The following TECPR2 variants were observed in gnomAD, a reference collection of about 807,000 sequenced individuals.
TECPR2 encodes tectonin beta-propeller repeat-containing protein 2.
Under a neutral mutation model 138.1 loss-of-function variants are expected in TECPR2, and 65 were observed. The observed-to-expected ratio is 0.47, with a 90% CI of 0.39 to 0.58. The LOEUF is 0.58. TECPR2 is among the 20% of genes least tolerant of loss of function. TECPR2 has a pLI of 0.00. For synonymous variants in TECPR2, 746 were observed against 749.8 expected (o/e 0.99, Z 0.08); for missense variants, 1,553 against 1,824.5 (o/e 0.85, Z 2.71).
At chr14:102,384,797 G>A (rs1392533657) in intron 2 of TECPR2, among the ~76,000 whole-genome samples, 2 of 148,718 alleles carry the variant, frequency 1.3e-5, no homozygotes, top group Non-Finnish European at 3.0e-5. Flanking sequence ...TGGCAAGAGA[G>A]GAAGCAAGAC....
intron 16 of TECPR2, among the ~76,000 whole-genome samples, chr14:102,454,737 G>T (rs958016682): frequency 1.3e-5 from 2 of 152,222 alleles, no homozygotes; most frequent in African/African-American, 4.8e-5. Context: ...TCCAGGGCTT[G>T]GTGTGTATTC....
intron 13 of TECPR2, among the ~76,000 whole-genome samples, chr14:102,449,187 G>C (rs1890071793): frequency 6.6e-6 from 1 of 152,194 alleles, no homozygotes; most frequent in Non-Finnish European, 1.5e-5. Flanking sequence ...GGAAGTCAAG[G>C]CTGAGTATGA....
chr14:102,464,397 T>C (rs1249089736), intron 16 of TECPR2, among the ~76,000 whole-genome samples: 1 of 152,144 alleles, frequency 6.6e-6, no homozygotes, highest in Non-Finnish European at 1.5e-5. Flanking sequence ...AGTTTTGTTT[T>C]TTTTTGTTTT....
chr14:102,435,668 AC>A (rs1889650925), intron 9 of TECPR2, among the ~76,000 whole-genome samples: 1 of 152,186 alleles, frequency 6.6e-6, no homozygotes, highest in Admixed American at 6.5e-5. Flanking sequence ...CTGCAAGAGC[AC>A]GAGGCCATTT....
intron 12 of TECPR2, among the ~76,000 whole-genome samples, chr14:102,444,379 G>A (rs138191663): frequency 6.6e-6 from 1 of 152,018 alleles, no homozygotes; most frequent in Non-Finnish European, 1.5e-5. Context: ...TTTTTGTAGA[G>A]ATGAGTTTTG....
chr14:102,485,684 C>T (rs1205754839), intron 17 of TECPR2, among the ~76,000 whole-genome samples: 2 of 152,112 alleles, frequency 1.3e-5, no homozygotes, highest in African/African-American at 2.4e-5. Flanking sequence ...AAACCATGAG[C>T]GGCAGGAAGG....
intron 13 of TECPR2, among the ~76,000 whole-genome samples, chr14:102,448,997 C>A (rs1286476831): frequency 6.6e-6 from 1 of 152,228 alleles, no homozygotes; most frequent in Non-Finnish European, 1.5e-5. Flanking sequence ...CATAGTGGTT[C>A]ATGCCAGTAA....
intron 14 of TECPR2, 32 bp downstream of exon 14, chr14:102,449,901 T>C (rs1890097404): frequency 6.2e-7 from 1 of 1,604,762 alleles, no homozygotes; most frequent in Admixed American, 1.7e-5. Context: ...TCACACTGGC[T>C]TTATAGGCAG....
chr14:102,398,865 T>A (rs1411387418), intron 2 of TECPR2, among the ~76,000 whole-genome samples: 1 of 148,992 alleles, frequency 6.7e-6, no homozygotes, highest in African/African-American at 2.5e-5. Flanking sequence ...AAAAAAGGAT[T>A]CAACCTGAGG....
chr14:102,435,338 C>G, intron 9 of TECPR2, 127 bp downstream of exon 9: 1 of 1,365,298 alleles, frequency 7.3e-7, no homozygotes, highest in Non-Finnish European at 9.7e-7. Context: ...CGTAGGCCAA[C>G]TCTGTTTTCA....
intron 2 of TECPR2, among the ~76,000 whole-genome samples, chr14:102,380,739 C>T (rs984476358): frequency 3.3e-5 from 5 of 152,198 alleles, no homozygotes; most frequent in South Asian, 2.1e-4. Context: ...AGTGCAGTGG[C>T]GCGATCTCGG....
intron 1 of TECPR2, among the ~76,000 whole-genome samples, chr14:102,374,071 CAAA>C (rs953998203): frequency 7.1e-5 from 4 of 56,066 alleles, no homozygotes; most frequent in Non-Finnish European, 8.0e-5. Context: ...GATTCTGTCT[CAAA>C]AAAAAAAAAA....
chr14:102,411,349 C>G (rs868295517), intron 4 of TECPR2, among the ~76,000 whole-genome samples: 4 of 151,656 alleles, frequency 2.6e-5, no homozygotes, highest in African/African-American at 7.3e-5. Flanking sequence ...CGTACGTATA[C>G]GCCCAGATGG....
chr14:102,407,866 G>A (rs1888706347), intron 3 of TECPR2, among the ~76,000 whole-genome samples: 1 of 152,212 alleles, frequency 6.6e-6, no homozygotes, highest in South Asian at 2.1e-4. Flanking sequence ...GTGTGGTGGC[G>A]GGTGCCTGTA....
chr14:102,485,153 T>A (rs990880698), intron 17 of TECPR2, among the ~76,000 whole-genome samples: 1 of 152,252 alleles, frequency 6.6e-6, no homozygotes, highest in African/African-American at 2.4e-5. Flanking sequence ...GGTTCTGGTA[T>A]CACAGTCTTC....
At chr14:102,463,422 A>G (rs1298474040) in intron 16 of TECPR2, among the ~76,000 whole-genome samples, 2 of 147,234 alleles carry the variant, frequency 1.4e-5, no homozygotes, top group African/African-American at 2.6e-5. Context: ...GTCTCAAAAA[A>G]AAAAAAAAAA....
chr14:102,450,621 G>A lies in TECPR2; in HGVS notation c.3378G>A (p.Val1126=), dbSNP rs1008686238. The A allele has an allele frequency of 6.2e-7, 1 of 1,614,082 alleles. No homozygotes were observed. The highest frequency in any genetic ancestry group is 1.3e-5 in the African/African-American group (1 of 74,936). The change falls in exon 15 of 20, where the codon GTG becomes GTA. Residue 1126 remains valine, a synonymous_variant. Coordinates refer to ENST00000359520, the MANE Select transcript of TECPR2 (RefSeq NM_014844.5). ...CTTCTGCTACAAAATGGGCCTTTGTGTTGGCTTCTGCAGCTCCCACGAAGG... is the reference window on the plus strand; with the variant it reads ...CTTCTGCTACAAAATGGGCCTTTGTATTGGCTTCTGCAGCTCCCACGAAGG... ...GTASATKWAF[V]LASAAPTKEG...
chr14:102,485,496 TAA>T (rs1891004500), intron 17 of TECPR2, among the ~76,000 whole-genome samples: 1 of 152,202 alleles, frequency 6.6e-6, no homozygotes, highest in African/African-American at 2.4e-5. Context: ...TATTGAACTC[TAA>T]GTCTTTTCTC....
At chr14:102,405,811 A>T (rs533694381) in intron 2 of TECPR2, among the ~76,000 whole-genome samples, 1 of 152,352 alleles carries the variant, frequency 6.6e-6, no homozygotes, top group Admixed American at 6.5e-5. Flanking sequence ...GATAAACAAA[A>T]TGTAGTATGT....
Sources: gnomAD v4.1 joint callset for allele counts (sites outside exome capture counted in the v4.1 genomes callset) on GRCh38, gnomAD v4.1.1 for gene constraint, MANE v1.5 for transcripts, NCBI Gene and HGNC (gene_info 2026-07-23, HGNC 2026-07-21) for gene names.